Variants in SEMA6D observed in about 807,000 individuals in gnomAD.
The protein encoded by SEMA6D is semaphorin 6D.
SEMA6D carries 35 observed loss-of-function variants against 106.6 expected under a neutral mutation model. The ratio of observed to expected loss-of-function variants is 0.33; its 90% CI spans 0.25 to 0.44. The LOEUF is 0.44. SEMA6D is among the 20% of genes least tolerant of loss of function. The probability of loss-of-function intolerance (pLI) is 1.00; values close to 1 mark genes in which losing one functional copy is unlikely to be tolerated. For missense variants in SEMA6D, 1,185 were observed against 1,345.9 expected, an observed-to-expected ratio of 0.88 and a Z score of 1.87; for synonymous variants, 499 against 487.7, an observed-to-expected ratio of 1.02 and a Z score of -0.31.
At chr15:47,512,771 A>G (rs2044271660) in intron 3 of SEMA6D, among the ~76,000 whole-genome samples, 3 of 152,240 alleles carry the variant, frequency 2.0e-5, no homozygotes, top group Admixed American at 2.0e-4. Flanking sequence ...GAACTGGATC[A>G]TACAGTCTGA....
chr15:47,755,201 C>T (rs1169902703), intron 1 of SEMA6D, among the ~76,000 whole-genome samples: 7 of 152,082 alleles, frequency 4.6e-5, no homozygotes, highest in South Asian at 4.1e-4. Context: ...CCCCCCGCCT[C>T]GGCCTCCCAA....
intron 3 of SEMA6D, among the ~76,000 whole-genome samples, chr15:47,543,799 A>C (rs2045433380): frequency 6.6e-6 from 1 of 152,118 alleles, no homozygotes; most frequent in African/African-American, 2.4e-5. Flanking sequence ...GAAGATGGTA[A>C]CCTGCTAAAT....
chr15:47,250,310 C>A lies in SEMA6D; in HGVS notation c.-239+65892C>A, dbSNP rs145429304. 7.0e-3 allele frequency among the ~76,000 whole-genome samples: 1,036 copies of A among 147,984 alleles called. 18 individuals are homozygous for A. Among genetic ancestry groups the A allele is most frequent in the African/African-American group, 0.025 (996 of 40,114 alleles). On this transcript the variant is annotated intron_variant, in intron 1 of 19. Transcript: ENST00000558014. ...GGAGCAACCTAACTCTCTGGGATGT[C>A]TAAACTTAGAGCATTAAAAGAGAGA...
intron 1 of SEMA6D, among the ~76,000 whole-genome samples, chr15:47,347,859 A>G (rs1469643847): frequency 6.6e-6 from 1 of 152,320 alleles, no homozygotes; most frequent in South Asian, 2.1e-4. Context: ...GTGTGGTATT[A>G]AGAAATTCAG....
At chr15:47,721,933 A>G (rs948358828) in intron 1 of SEMA6D, among the ~76,000 whole-genome samples, 1 of 152,092 alleles carries the variant, frequency 6.6e-6, no homozygotes, top group African/African-American at 2.4e-5. Flanking sequence ...ATTTGGAGCT[A>G]CATGGAATCC....
chr15:47,688,536 G>A (rs1488915505), intron 4 of SEMA6D, among the ~76,000 whole-genome samples: 1 of 152,174 alleles, frequency 6.6e-6, no homozygotes, highest in Non-Finnish European at 1.5e-5. Context: ...GGGAAGAGCT[G>A]TTAAGGGTTT....
chr15:47,241,711 A>G (rs570197775), intron 1 of SEMA6D, among the ~76,000 whole-genome samples: 2 of 151,696 alleles, frequency 1.3e-5, no homozygotes, highest in Non-Finnish European at 2.9e-5. Flanking sequence ...AAAAAAAAAA[A>G]CCTCTTAAAA....
At chr15:47,206,467 T>C (rs1347607006) in intron 1 of SEMA6D, among the ~76,000 whole-genome samples, 4 of 152,148 alleles carry the variant, frequency 2.6e-5, no homozygotes, top group Non-Finnish European at 5.9e-5. Flanking sequence ...AACTTTTTTA[T>C]TCACCCCTTA....
At chr15:47,495,818 A>G (rs574559972) in intron 3 of SEMA6D, among the ~76,000 whole-genome samples, 13 of 152,240 alleles carry the variant, frequency 8.5e-5, no homozygotes, top group African/African-American at 3.1e-4. Context: ...ATTTAGTCTT[A>G]TAAGTACCCA....
rs567896655 is a variant in SEMA6D at position 47,503,743 on chromosome 15, G to A, written c.-87+33198G>A. 3.3e-5 allele frequency among the ~76,000 whole-genome samples: 5 copies of A among 151,660 alleles called. No individual in the cohort carries two copies. The South Asian group carries it at 6.2e-4, about 19-fold the overall frequency. ...TTCACACAAATCCCTGTATGTGACA[G>A]CTCAAGGCCTAGGCTGCGCCACCTC... On this transcript the variant is annotated intron_variant, in intron 3 of 19. Coordinates refer to the SEMA6D transcript ENST00000558014.
intron 3 of SEMA6D, among the ~76,000 whole-genome samples, chr15:47,490,944 A>G (rs965006246): frequency 3.9e-5 from 6 of 152,216 alleles, no homozygotes; most frequent in African/African-American, 1.4e-4. Context: ...GAGAAACTCA[A>G]CAGGGTAAGT....
chr15:47,522,137 C>T (rs1433902739), intron 3 of SEMA6D, among the ~76,000 whole-genome samples: 1 of 152,238 alleles, frequency 6.6e-6, no homozygotes, highest in Non-Finnish European at 1.5e-5. Flanking sequence ...CAACTATACA[C>T]ATGTCCTGCG....
chr15:47,487,410 ATACATG>A (rs1257647995), intron 3 of SEMA6D, among the ~76,000 whole-genome samples: 1 of 152,232 alleles, frequency 6.6e-6, no homozygotes, highest in Non-Finnish European at 1.5e-5. Context: ...CACATTTATA[ATACATG>A]TACATGTATA....
chr15:47,466,185 T>C lies in SEMA6D; in HGVS notation c.-158-4289T>C, dbSNP rs1421629144. On this transcript the variant is annotated intron_variant, in intron 2 of 19. Coordinates refer to the SEMA6D transcript ENST00000558014. ...TGTGGTAAGCACACTTCAGATGTAC[T>C]GTATATGCAAATGACAAGGATGCAA... is the stretch of plus-strand genomic sequence containing the variant. Among the ~76,000 whole-genome samples the C allele has an allele frequency of 2.6e-5, 4 of 152,216 alleles. No individual in the cohort carries two copies. The East Asian group carries it at 7.7e-4, about 29-fold the overall frequency.
At chr15:47,619,115 G>A (rs1000514888) in intron 4 of SEMA6D, among the ~76,000 whole-genome samples, 1 of 152,192 alleles carries the variant, frequency 6.6e-6, no homozygotes, top group African/African-American at 2.4e-5. Flanking sequence ...TAGTTTCCAA[G>A]GCAGTAGCAC....
At chr15:47,359,462 A>C (rs1381291583) in intron 1 of SEMA6D, 1 of 152,174 alleles carries the variant, frequency 6.6e-6, no homozygotes, top group Non-Finnish European at 1.5e-5. Context: ...GGACATAGAA[A>C]GTGTGGGGCG....
intron 1 of SEMA6D, among the ~76,000 whole-genome samples, chr15:47,380,947 G>A (rs2039619366): frequency 6.6e-6 from 1 of 152,206 alleles, no homozygotes; most frequent in Non-Finnish European, 1.5e-5. Flanking sequence ...CATGACTCCA[G>A]TCTCTAGTGA....
rs1253107771 is a variant in SEMA6D, at chr15:47,693,546, A to G, written c.-54-66199A>G. Among the ~76,000 whole-genome samples the G allele has an allele frequency of 3.3e-5, 5 of 152,308 alleles. No homozygotes were observed. The East Asian group carries it at 9.6e-4, about 29-fold the overall frequency. On this transcript the variant is annotated intron_variant, in intron 4 of 19. Transcript: ENST00000558014. The stretch of plus-strand genomic sequence containing the variant: ...TCACTGTGACAGTCCCCAAGCCCTA[A>G]GACAGTGATTCTCAGTCCTGCCTGC...
chr15:47,494,767 T>G (rs866807708), intron 3 of SEMA6D, among the ~76,000 whole-genome samples: 984 of 95,710 alleles, frequency 0.01, 79 homozygotes, highest in African/African-American at 0.041. Context: ...TATATATATA[T>G]ATATATATAT....
Sources: allele counts gnomAD v4.1 joint callset (sites outside exome capture counted in the v4.1 genomes callset), GRCh38; gene constraint gnomAD v4.1.1; transcripts MANE v1.5; gene names NCBI Gene and HGNC (gene_info 2026-07-23, HGNC 2026-07-21).